MSI1: variants seen among roughly 807,000 people sequenced by gnomAD.
MSI1 encodes the protein RNA-binding protein Musashi homolog 1.
Under a neutral mutation model 54.4 loss-of-function variants are expected in MSI1, and 15 were observed. The observed-to-expected ratio is 0.28, with a 90% CI of 0.18 to 0.42. The LOEUF (loss-of-function observed/expected upper bound fraction) is 0.42. Ranked by LOEUF, MSI1 falls within the 20% of genes least tolerant of loss-of-function variation. The pLI is 1.00. For synonymous variants in MSI1, 200 were observed against 196.5 expected, an observed-to-expected ratio of 1.02 and a Z score of -0.15; for missense variants, 304 against 506.0, an observed-to-expected ratio of 0.60 and a Z score of 3.83.
chr12:120,352,019 A>T (rs1220838041), intron 10 of MSI1, among the ~76,000 whole-genome samples: 8 of 15,690 alleles, frequency 5.1e-4, no homozygotes, highest in East Asian at 1.0e-3. Flanking sequence ...TTTTTATTTA[A>T]AAAAAAAAAA....
chr12:120,351,712 T>TC (rs1565886364), intron 10 of MSI1, among the ~76,000 whole-genome samples: 2 of 11,364 alleles, frequency 1.8e-4, no homozygotes, highest in Non-Finnish European at 3.7e-4. Context: ...TCTTTCTCTC[T>TC]TTTTTTTTTT....
Position 120,369,120 on chromosome 12 carries a change from A to AGCG in MSI1, c.-32_-30dup, listed in dbSNP as rs547256348. 1,404 of 1,003,184 alleles carry AGCG rather than the reference A, an allele frequency of 1.4e-3. 9 individuals carry two copies. In the African/African-American group the frequency reaches 0.019, roughly 14 times the overall value. The allele number at this position is 1,003,184 out of a possible 1,614,324, so 62.1% of individuals were successfully genotyped here. On this transcript the variant is annotated 5_prime_UTR_variant, in exon 1 of 15. Transcript: ENST00000257552. Reference sequence around the variant, plus strand: ...GAGCCGCGGGCGGCGCGGGCAGCGGAGCGGCGGCGGCGGCGGCGGCGGCGG... The same window carrying AGCG: ...GAGCCGCGGGCGGCGCGGGCAGCGGAGCGGCGGCGGCGGCGGCGGCGGCGGCGG...
In MSI1 at chr12:120,357,370, GC is replaced by G. The variant is rs368969347; in HGVS notation, c.535-352del. On this transcript the variant is annotated intron_variant, in intron 8 of 14. Coordinates refer to ENST00000257552, the MANE Select transcript of MSI1 (RefSeq NM_002442.4). ...AGGTTTTTAGGGGTTGGAAGAACTGGCTCTGCCTCCACTCACTCGAAGCCCC... is the reference window on the plus strand; with the variant it reads ...AGGTTTTTAGGGGTTGGAAGAACTGGTCTGCCTCCACTCACTCGAAGCCCC... 5.3e-4 allele frequency among the ~76,000 whole-genome samples: 81 copies of G among 152,262 alleles called. 2 individuals carry two copies. The South Asian group carries it at 0.017, about 31-fold the overall frequency.
In MSI1 at chr12:120,358,915, C is replaced by T. The variant is rs1352585581; in HGVS notation, c.451+90G>A. On this transcript the variant is annotated intron_variant, in intron 7 of 14. Transcript: ENST00000257552. ...ACGCAGATCCTGGGGGATAGGATGT[C>T]AGAAGGCGAGATGAAAGGGCAGCTG... 2.8e-6 allele frequency: 4 copies of T among 1,423,170 alleles called. No individual in the cohort carries two copies. In the East Asian group the frequency reaches 9.9e-5, roughly 35 times the overall value. 88.2% of individuals were successfully genotyped at this position (1,423,170 alleles called of 1,614,324 possible). A position where few individuals can be genotyped will look rare whatever the true frequency, so the allele number is the denominator to read the frequency against.
At chr12:120,339,974 G>T (rs1209101683), downstream of MSI1, among the ~76,000 whole-genome samples, 2 of 151,532 alleles carry the variant, frequency 1.3e-5, no homozygotes, top group Non-Finnish European at 2.9e-5. Context: ...TAGAGATGGG[G>T]TTTTACCATA....
chr12:120,359,932 G>A (rs960155573), intron 6 of MSI1, among the ~76,000 whole-genome samples: 1 of 151,894 alleles, frequency 6.6e-6, no homozygotes, highest in Admixed American at 6.6e-5. Flanking sequence ...TCAAGCCATG[G>A]GTAACCAGCC....
intron 9 of MSI1, among the ~76,000 whole-genome samples, chr12:120,356,638 G>T (rs1436097988): frequency 6.6e-6 from 1 of 152,236 alleles, no homozygotes. Context: ...GGGATGGATG[G>T]ACGAGAGAAT....
At chr12:120,356,023 A>G (rs2136948003) in intron 9 of MSI1, among the ~76,000 whole-genome samples, 1 of 152,208 alleles carries the variant, frequency 6.6e-6, no homozygotes, top group Middle Eastern at 3.4e-3. Context: ...TACCACCCTC[A>G]GTCTTGGACC....
At chr12:120,367,057 G>A (rs1876060516) in intron 4 of MSI1, among the ~76,000 whole-genome samples, 2 of 152,152 alleles carry the variant, frequency 1.3e-5, no homozygotes, top group African/African-American at 2.4e-5. Flanking sequence ...TCATTACTGC[G>A]AGCGGGAGCG....
chr12:120,363,261 G>GCCCC lies in MSI1; in HGVS notation c.310-130_310-127dup, dbSNP rs34243955. On this transcript the variant is annotated intron_variant, in intron 5 of 14. Transcript: ENST00000257552. Reference sequence around the variant, plus strand: ...CTCTGTGGCCCCAGCCTCTTTAAAGGCCCCCCCCCCGCAAGCTCCCTCTTG... The same window carrying GCCCC: ...CTCTGTGGCCCCAGCCTCTTTAAAGGCCCCCCCCCCCCCCGCAAGCTCCCTCTTG... 7.2e-6 allele frequency: 4 copies of GCCCC among 555,772 alleles called. No individual in the cohort carries two copies. In the African/African-American group the frequency reaches 7.2e-5, roughly 10 times the overall value. 34.4% of individuals were successfully genotyped at this position (555,772 alleles called of 1,614,324 possible). A position where few individuals can be genotyped will look rare whatever the true frequency, so the allele number is the denominator to read the frequency against.
In MSI1 at chr12:120,342,104, G is replaced by T. The variant is rs184276230; in HGVS notation, c.*1023C>A. ...TCCCCTGGTGCCCACTCATTGCGGGGGTCGAGGGGGAAGGGGGACAGACTG... is the reference window on the plus strand; with the variant it reads ...TCCCCTGGTGCCCACTCATTGCGGGTGTCGAGGGGGAAGGGGGACAGACTG... On this transcript the variant is annotated 3_prime_UTR_variant, in exon 15 of 15. Transcript: ENST00000257552. The T allele has an allele frequency of 2.0e-4, 30 of 153,422 alleles. No homozygotes were observed. Among genetic ancestry groups the T allele is most frequent in the African/African-American group, 7.0e-4 (29 of 41,510 alleles). 9.5% of individuals were successfully genotyped at this position (153,422 alleles called of 1,614,324 possible).
intron 11 of MSI1, 134 bp downstream of exon 11, chr12:120,351,210 C>T (rs1050125442): frequency 5.7e-6 from 5 of 884,238 alleles, no homozygotes; most frequent in Non-Finnish European, 9.1e-6. Context: ...CAGGCACAGT[C>T]TGCTGTGTCC....
intron 6 of MSI1, among the ~76,000 whole-genome samples, chr12:120,360,231 C>T (rs1348444566): frequency 6.6e-6 from 1 of 152,130 alleles, no homozygotes; most frequent in Admixed American, 6.5e-5. Flanking sequence ...GTGATCCACC[C>T]GCCTCAGCCT....
intron 4 of MSI1, among the ~76,000 whole-genome samples, chr12:120,365,598 A>G (rs751361502): frequency 2.6e-5 from 4 of 152,214 alleles, no homozygotes; most frequent in Non-Finnish European, 5.9e-5. Context: ...GCAAAAGGCT[A>G]CAAGCTGAGA....
intron 11 of MSI1, among the ~76,000 whole-genome samples, chr12:120,348,603 G>A (rs1874339815): frequency 6.6e-6 from 1 of 151,592 alleles, no homozygotes; most frequent in African/African-American, 2.4e-5. Context: ...TCTTGGAAAG[G>A]CTGGGTGCGG....
At chr12:120,360,620 A>G (rs1332643027) in intron 6 of MSI1, among the ~76,000 whole-genome samples, 1 of 152,164 alleles carries the variant, frequency 6.6e-6, no homozygotes, top group East Asian at 1.9e-4. Context: ...CACTTAACCA[A>G]TGAAAAACAG....
chr12:120,347,409 T>C (rs1025385278), intron 12 of MSI1, 37 bp downstream of exon 12: 2 of 1,613,014 alleles, frequency 1.2e-6, no homozygotes, highest in Non-Finnish European at 8.5e-7. Context: ...CTCCCTGTGC[T>C]CCCTCATCTC....
chr12:120,356,926 A>G lies in MSI1; in HGVS notation c.628T>C (p.Phe210Leu). 1.2e-6 allele frequency: 2 copies of G among 1,614,124 alleles called. No homozygotes were observed. The highest frequency in any genetic ancestry group is 1.7e-6 in the Non-Finnish European group (2 of 1,180,024). Residue 210 changes from phenylalanine to leucine, a missense_variant, in exon 9 of 15, where the codon TTC becomes CTC. Transcript: ENST00000257552. ...CCCAGCATGCCGATGCCCAGCATGA[A>G]GGCGTCCATTCCGTAGGGCATGACT... ...SRVMPYGMDAFMLGIGMLGYP... is the reference protein window; with the variant it reads ...SRVMPYGMDALMLGIGMLGYP...
chr12:120,364,687 G>A, intron 5 of MSI1, 27 bp downstream of exon 5: 2 of 1,569,860 alleles, frequency 1.3e-6, no homozygotes, highest in South Asian at 1.2e-5. Context: ...TAGTAAGAGA[G>A]CTCCTCCCAG....
Sources: allele counts gnomAD v4.1 joint callset (sites outside exome capture counted in the v4.1 genomes callset), GRCh38; gene constraint gnomAD v4.1.1; transcripts MANE v1.5; gene names NCBI Gene and HGNC (gene_info 2026-07-23, HGNC 2026-07-21).